The following TMEM182 variants were observed in gnomAD, a reference collection of about 807,000 sequenced individuals.
TMEM182 encodes transmembrane protein 182.
In TMEM182, 20 loss-of-function variants were observed where a neutral mutation model predicts 26.8. The observed-to-expected ratio is 0.75, with a 90% CI of 0.53 to 1.09. The LOEUF (loss-of-function observed/expected upper bound fraction) is 1.09, where lower values mean the gene tolerates loss of function less well. TMEM182 is among the 50% of genes least tolerant of loss of function. The probability of loss-of-function intolerance (pLI) is 0.00; values close to 1 mark genes in which losing one functional copy is unlikely to be tolerated. For missense variants in TMEM182, 277 were observed against 275.5 expected, an observed-to-expected ratio of 1.01 and a Z score of -0.04; for synonymous variants, 109 against 102.2, an observed-to-expected ratio of 1.07 and a Z score of -0.40.
intron 2 of TMEM182, among the ~76,000 whole-genome samples, chr2:102,763,486 G>C (rs999301759): frequency 6.6e-6 from 1 of 152,096 alleles, no homozygotes; most frequent in Non-Finnish European, 1.5e-5. Context: ...TTACATAATA[G>C]TCAGGATTAT....
intron 3 of TMEM182, among the ~76,000 whole-genome samples, chr2:102,773,136 A>G (rs192488758): frequency 1.2e-3 from 181 of 152,278 alleles, no homozygotes; most frequent in African/African-American, 4.0e-3. Context: ...AATTTATTCA[A>G]CAAATATTTT....
chr2:102,793,675 A>G (rs1430143476), intron 3 of TMEM182, among the ~76,000 whole-genome samples: 3 of 152,230 alleles, frequency 2.0e-5, no homozygotes, highest in Admixed American at 2.0e-4. Flanking sequence ...CAATGCAAGT[A>G]CTAGGTAAAT....
chr2:102,763,066 T>C (rs1192906490), intron 2 of TMEM182, among the ~76,000 whole-genome samples: 1 of 152,160 alleles, frequency 6.6e-6, no homozygotes, highest in Non-Finnish European at 1.5e-5. Context: ...AAATCTCAAA[T>C]GTAAAAATCC....
chr2:102,803,907 C>T (rs913870466), intron 4 of TMEM182, among the ~76,000 whole-genome samples: 2 of 151,554 alleles, frequency 1.3e-5, no homozygotes, highest in Non-Finnish European at 2.9e-5. Context: ...CTGCCGTCCA[C>T]ACCTGCAGGC....
chr2:102,784,933 C>T (rs1485599635), intron 3 of TMEM182, among the ~76,000 whole-genome samples: 2 of 152,094 alleles, frequency 1.3e-5, no homozygotes, highest in Non-Finnish European at 2.9e-5. Flanking sequence ...TTTGTTCTGA[C>T]CTTCTATCTT....
chr2:102,762,367 A>T lies in TMEM182; in HGVS notation c.132+18A>T. On this transcript the variant is annotated intron_variant, in intron 1 of 4. Coordinates refer to ENST00000412401, the MANE Select transcript of TMEM182 (RefSeq NM_144632.5). ...AAAAGAATGTGAGTCTCTTCTTCAA[A>T]ATAGTGATGCACATGGTAGTTATGA... The T allele has an allele frequency of 6.2e-7, 1 of 1,613,722 alleles. No individual in the cohort carries two copies. Among genetic ancestry groups the T allele is most frequent in the Non-Finnish European group, 8.5e-7 (1 of 1,179,860 alleles).
At chr2:102,737,335 A>G (rs1443277435) in intron 1 of TMEM182, among the ~76,000 whole-genome samples, 2 of 152,250 alleles carry the variant, frequency 1.3e-5, no homozygotes, top group East Asian at 3.8e-4. Flanking sequence ...TTTCTGGTGC[A>G]GTGCAATGTG....
At chr2:102,750,947 A>C (rs1453572084) in intron 1 of TMEM182, among the ~76,000 whole-genome samples, 1 of 152,172 alleles carries the variant, frequency 6.6e-6, no homozygotes, top group Non-Finnish European at 1.5e-5. Flanking sequence ...GGTTTCTGGT[A>C]AGGCCTGCCC....
intron 3 of TMEM182, among the ~76,000 whole-genome samples, chr2:102,765,060 A>G (rs1341760487): frequency 6.6e-6 from 1 of 152,114 alleles, no homozygotes; most frequent in Non-Finnish European, 1.5e-5. Context: ...AATAGTAGCT[A>G]TTATATTTAA....
chr2:102,830,342 G>C (rs1473798615), intron 3 of TMEM182, among the ~76,000 whole-genome samples: 1 of 152,184 alleles, frequency 6.6e-6, no homozygotes, highest in Non-Finnish European at 1.5e-5. Flanking sequence ...ATTGATAGCT[G>C]TGTGAAGTCA....
chr2:102,830,827 A>G (rs1413350877), intron 3 of TMEM182, among the ~76,000 whole-genome samples: 2 of 152,074 alleles, frequency 1.3e-5, no homozygotes, highest in Non-Finnish European at 2.9e-5. Context: ...CCCATTAACC[A>G]TCCTCACCTC....
chr2:102,784,034 C>T (rs925328468), intron 3 of TMEM182, among the ~76,000 whole-genome samples: 1 of 152,082 alleles, frequency 6.6e-6, no homozygotes, highest in Non-Finnish European at 1.5e-5. Flanking sequence ...TCTGAACCGG[C>T]CAAGTATTTT....
chr2:102,796,574 A>G (rs1681878319), intron 3 of TMEM182, among the ~76,000 whole-genome samples: 1 of 152,230 alleles, frequency 6.6e-6, no homozygotes. Context: ...CGTAATTTCC[A>G]TACTCAAAGC....
chr2:102,738,060 T>C (rs1290866155), intron 1 of TMEM182, among the ~76,000 whole-genome samples: 1 of 152,168 alleles, frequency 6.6e-6, no homozygotes, highest in Non-Finnish European at 1.5e-5. Flanking sequence ...CCCCAAGTTA[T>C]TCTGAGACTC....
chr2:102,771,799 G>A (rs6741430), intron 3 of TMEM182, among the ~76,000 whole-genome samples: 2,332 of 152,212 alleles, frequency 0.015, 65 homozygotes, highest in African/African-American at 0.054. Context: ...GACATTGTGG[G>A]CCAGATAATT....
chr2:102,736,962 G>C (rs1434593370), exon 1 of TMEM182: 4 of 913,786 alleles, frequency 4.4e-6, no homozygotes, highest in Non-Finnish European at 6.3e-6. Context: ...GCCGGTGCTG[G>C]CTGGGAGTTC....
intron 3 of TMEM182, among the ~76,000 whole-genome samples, chr2:102,774,638 G>T (rs893130060): frequency 6.6e-6 from 1 of 152,036 alleles, no homozygotes; most frequent in Non-Finnish European, 1.5e-5. Flanking sequence ...GCTAATTTTT[G>T]TATAAGATGT....
chr2:102,800,569 C>T (rs1409238270), intron 4 of TMEM182, among the ~76,000 whole-genome samples: 1 of 152,152 alleles, frequency 6.6e-6, no homozygotes. Context: ...TTTCAAAGTT[C>T]CAGTAAGGGT....
At chr2:102,756,929 C>T (rs565961496) in intron 1 of TMEM182, among the ~76,000 whole-genome samples, 4 of 152,106 alleles carry the variant, frequency 2.6e-5, no homozygotes, top group African/African-American at 4.8e-5. Context: ...TTCTCTGCCT[C>T]AGCCTCCCAA....
Sources: gnomAD v4.1 joint callset for allele counts (sites outside exome capture counted in the v4.1 genomes callset) on GRCh38, gnomAD v4.1.1 for gene constraint, MANE v1.5 for transcripts, NCBI Gene and HGNC (gene_info 2026-07-23, HGNC 2026-07-21) for gene names.